Variants in IL1RAPL1 observed in about 807,000 individuals in gnomAD.
IL1RAPL1 encodes interleukin 1 receptor accessory protein like 1, also known as interleukin-1 receptor accessory protein-like 1.
IL1RAPL1 carries 3 observed loss-of-function variants against 48.4 expected under a neutral mutation model. The ratio of observed to expected loss-of-function variants is 0.06; its 90% CI spans 0.03 to 0.16. The LOEUF is 0.16. Among genes scored for constraint, IL1RAPL1 ranks in the 10% least tolerant of loss-of-function variants. The pLI is 1.00. For synonymous variants in IL1RAPL1, 185 were observed against 187.7 expected (o/e 0.99, Z 0.12); for missense variants, 349 against 530.6 (o/e 0.66, Z 3.36).
Position 29,291,868 on chromosome X carries a change from C to G in IL1RAPL1, c.362+8651C>G, listed in dbSNP as rs1232643174. Among the ~76,000 whole-genome samples the G allele has an allele frequency of 2.7e-5, 3 of 112,078 alleles. No homozygotes were observed. The East Asian group carries it at 8.4e-4, about 31-fold the overall frequency. ...CATAAATATCTTCAGGAAAGATGCC[C>G]CTCTACTTTGCTGTTCAAGTCAGGA... On this transcript the variant is annotated intron_variant, in intron 3 of 10. Transcript: ENST00000378993.
chrX:29,856,387 A>G (rs1013673626), intron 6 of IL1RAPL1, among the ~76,000 whole-genome samples: 1 of 111,894 alleles, frequency 8.9e-6, no homozygotes, highest in African/African-American at 3.2e-5. Flanking sequence ...ATTATTCAGA[A>G]TGTACTAAGA....
intron 1 of IL1RAPL1, among the ~76,000 whole-genome samples, chrX:28,763,667 G>C (rs191214309): frequency 5.9e-4 from 66 of 111,527 alleles, no homozygotes; most frequent in Non-Finnish European, 7.7e-4. Context: ...GGAGCAGCAT[G>C]AACTAGGAGT....
chrX:28,980,693 A>AT (rs1043830321), intron 2 of IL1RAPL1, among the ~76,000 whole-genome samples: 4 of 109,957 alleles, frequency 3.6e-5, no homozygotes, highest in Non-Finnish European at 7.6e-5. Flanking sequence ...CACCTGGCTA[A>AT]TTTTTTTTTA....
chrX:29,180,711 G>C (rs1026604542), intron 2 of IL1RAPL1, among the ~76,000 whole-genome samples: 1 of 111,603 alleles, frequency 9.0e-6, no homozygotes, highest in African/African-American at 3.3e-5. Context: ...TGAAAAAATA[G>C]TGGAACCTCC....
intron 2 of IL1RAPL1, among the ~76,000 whole-genome samples, chrX:28,902,363 C>G (rs371753729): frequency 9.2e-6 from 1 of 108,780 alleles, no homozygotes; most frequent in Non-Finnish European, 1.9e-5. Flanking sequence ...TCATGACACT[C>G]TGTCTTCTTG....
At chrX:29,884,197 C>G (rs183618582) in intron 6 of IL1RAPL1, among the ~76,000 whole-genome samples, 79 of 111,888 alleles carry the variant, frequency 7.1e-4, no homozygotes, top group Non-Finnish European at 1.3e-3. Context: ...GAGACAAACC[C>G]TATTTTTATT....
intron 5 of IL1RAPL1, among the ~76,000 whole-genome samples, chrX:29,595,727 C>G (rs1462104337): frequency 8.9e-6 from 1 of 112,158 alleles, no homozygotes; most frequent in Non-Finnish European, 1.9e-5. Context: ...TGTGCAGAAG[C>G]TTTTTACTTA....
chrX:29,424,440 A>G (rs1159404099), intron 5 of IL1RAPL1, among the ~76,000 whole-genome samples: 1 of 111,181 alleles, frequency 9.0e-6, no homozygotes, highest in African/African-American at 3.3e-5. Flanking sequence ...ATTAAGAGGG[A>G]TTGTATGTTG....
chrX:29,794,342 T>G (rs1317806818), intron 6 of IL1RAPL1, among the ~76,000 whole-genome samples: 3 of 112,143 alleles, frequency 2.7e-5, no homozygotes, highest in Non-Finnish European at 5.6e-5. Context: ...ATGTTTTAAA[T>G]GTTTTAAGCA....
At chrX:29,916,865 C>G (rs1162737840) in intron 6 of IL1RAPL1, among the ~76,000 whole-genome samples, 1 of 112,042 alleles carries the variant, frequency 8.9e-6, no homozygotes, top group Non-Finnish European at 1.9e-5. Context: ...TGATGAAAAT[C>G]CCAAATATTT....
chrX:29,550,326 G>C (rs1244849817), intron 5 of IL1RAPL1, among the ~76,000 whole-genome samples: 3 of 110,767 alleles, frequency 2.7e-5, no homozygotes, highest in Non-Finnish European at 5.7e-5. Context: ...CGAGTAGCTG[G>C]GACTACAGGC....
intron 2 of IL1RAPL1, among the ~76,000 whole-genome samples, chrX:29,037,478 TA>T (rs1569224399): frequency 9.0e-6 from 1 of 111,514 alleles, no homozygotes; most frequent in African/African-American, 3.3e-5. Flanking sequence ...GGAATTATTT[TA>T]AAAAATTATA....
At chrX:29,800,075 A>G (rs1422762598) in intron 6 of IL1RAPL1, among the ~76,000 whole-genome samples, 7 of 111,877 alleles carry the variant, frequency 6.3e-5, no homozygotes, top group East Asian at 2.8e-4. Context: ...TGGACACCCA[A>G]TGAATCTTTA....
At chrX:29,228,332 A>AATGTGTGTGTGTGTGTGTATGT (rs777963523) in intron 2 of IL1RAPL1, among the ~76,000 whole-genome samples, 1 of 79,559 alleles carries the variant, frequency 1.3e-5, no homozygotes, top group Admixed American at 1.5e-4. Context: ...AGTTTTGCCT[A>AATGTGTGTGTGTGTGTGTATGT]GTGTGTGTGT....
intron 6 of IL1RAPL1, among the ~76,000 whole-genome samples, chrX:29,693,535 C>G (rs770516630): frequency 6.1e-4 from 68 of 112,335 alleles, no homozygotes; most frequent in African/African-American, 2.2e-3. Context: ...GAAATTGGTT[C>G]CTGACATTTT....
Position 29,668,412 on chromosome X carries a change from A to G in IL1RAPL1, c.704-18A>G. On this transcript the variant is annotated intron_variant, in intron 5 of 10. Coordinates refer to ENST00000378993, the MANE Select transcript of IL1RAPL1 (RefSeq NM_014271.4). ...CATAACTATAAGTCTCTGTATTATT[A>G]TTGTTGTTGTTTTTCAGCCCCTCTG... 1 of 1,168,519 alleles carries G rather than the reference A, an allele frequency of 8.6e-7. No individual in the cohort carries two copies. Among genetic ancestry groups the G allele is most frequent in the Non-Finnish European group, 1.2e-6 (1 of 856,471 alleles).
intron 1 of IL1RAPL1, among the ~76,000 whole-genome samples, chrX:28,742,191 T>C (rs1223515210): frequency 9.0e-6 from 1 of 111,059 alleles, no homozygotes; most frequent in Non-Finnish European, 1.9e-5. Flanking sequence ...CCGAAAATGG[T>C]CAAACTAAGA....
chrX:29,444,680 G>C (rs959032146), intron 5 of IL1RAPL1, among the ~76,000 whole-genome samples: 1 of 111,905 alleles, frequency 8.9e-6, no homozygotes, highest in African/African-American at 3.2e-5. Context: ...GAGATCAGCA[G>C]GGTGTTATAC....
At chrX:28,704,260 A>T (rs1935336446) in intron 1 of IL1RAPL1, among the ~76,000 whole-genome samples, 1 of 111,117 alleles carries the variant, frequency 9.0e-6, no homozygotes, top group African/African-American at 3.3e-5. Flanking sequence ...ATATCTAATT[A>T]TAATCTCCCT....
Sources: gnomAD v4.1 joint callset for allele counts (sites outside exome capture counted in the v4.1 genomes callset) on GRCh38, gnomAD v4.1.1 for gene constraint, MANE v1.5 for transcripts, NCBI Gene and HGNC (gene_info 2026-07-23, HGNC 2026-07-21) for gene names.